The following EFCAB8 variants were observed in gnomAD, a reference collection of about 807,000 sequenced individuals.
EFCAB8 encodes EF-hand calcium binding domain 8.
A neutral mutation model predicts 116.3 loss-of-function variants in EFCAB8; 100 were observed. The ratio of observed to expected loss-of-function variants is 0.86; its 90% CI spans 0.73 to 1.02. EFCAB8 has a LOEUF of 1.02. EFCAB8 is among the 50% of genes least tolerant of loss of function. EFCAB8 has a pLI of 0.00. For missense variants in EFCAB8, 1,320 were observed against 1,416.9 expected, an observed-to-expected ratio of 0.93 and a Z score of 1.10; for synonymous variants, 558 against 567.9, an observed-to-expected ratio of 0.98 and a Z score of 0.25.
intron 20 of EFCAB8, among the ~76,000 whole-genome samples, chr20:32,929,502 G>GTTT (rs11483446): frequency 1.4e-5 from 1 of 70,044 alleles, no homozygotes; most frequent in Admixed American, 1.8e-4. Context: ...CTTCCCTTCT[G>GTTT]TTTTTTTTTT....
chr20:32,916,666 G>C (rs1164281008), intron 17 of EFCAB8, among the ~76,000 whole-genome samples: 1 of 152,098 alleles, frequency 6.6e-6, no homozygotes, highest in Non-Finnish European at 1.5e-5. Flanking sequence ...TTGAGGATTA[G>C]GTTTTAACAT....
rs1304915156 is a variant in EFCAB8 at position 32,961,257 on chromosome 20, A to C, written c.3515A>C (p.His1172Pro). Residue 1172 changes from histidine (H) to proline (P), a missense_variant, in exon 27 of 27, where the codon CAT becomes CCT. Transcript: ENST00000400522. ...QDQHIRLVAH[H>P]VQKDLVPSRE... ...CAGCACATCCGCCTGGTGGCCCACC[A>C]TGTCCAGAAGGACCTGGTGCCCAGC... 6.4e-6 allele frequency: 10 copies of C among 1,551,362 alleles called. No homozygotes were observed. The highest frequency in any genetic ancestry group is 3.3e-4 in the Middle Eastern group (2 of 6,016).
At chr20:32,859,604 T>C (rs950785911) in intron 1 of EFCAB8, among the ~76,000 whole-genome samples, 35 of 152,242 alleles carry the variant, frequency 2.3e-4, no homozygotes, top group Non-Finnish European at 4.1e-4. Flanking sequence ...ATTAAAAATA[T>C]ATAAATAGTT....
chr20:32,939,157 TTCTTTCTTTCTTTC>T (rs1568941577), intron 22 of EFCAB8, among the ~76,000 whole-genome samples: 1 of 88,672 alleles, frequency 1.1e-5, no homozygotes, highest in Non-Finnish European at 2.5e-5. Flanking sequence ...CTTTCTTTCT[TTCTTTCTTTCTTTC>T]TTTCTTTCTT....
rs926275136 is a variant in EFCAB8 at position 32,906,598 on chromosome 20, C to A, written c.1125C>A (p.Cys375Ter). The A allele has an allele frequency of 1.4e-6, 1 of 718,374 alleles. No individual in the cohort carries two copies. Among genetic ancestry groups the A allele is most frequent in the African/African-American group, 1.7e-5 (1 of 57,258 alleles). The allele number at this position is 718,374 out of a possible 1,614,324, so 44.5% of individuals were successfully genotyped here. ...TGCGTTTAAGGAAAGGGATTCTTTG[C>A]TTTGATTACTGCCCAGACAGGAACT... ...SVLRLRKGIL[C>*]FDYCPDRNFL... The change falls in exon 12 of 27, where the codon TGC (cysteine) becomes TGA (stop). Residue 375 changes from cysteine (C) to a stop codon, truncating the protein, a stop_gained. Transcript: ENST00000400522. LOFTEE classifies it high-confidence loss of function.
intron 23 of EFCAB8, among the ~76,000 whole-genome samples, chr20:32,948,570 A>AAGAAAGAAAGAAAGAAAGAAAG (rs1555871351): frequency 5.3e-5 from 8 of 149,784 alleles, no homozygotes; most frequent in African/African-American, 1.8e-4. Flanking sequence ...GAAAGAAAGA[A>AAGAAAGAAAGAAAGAAAGAAAG]AGAAAGAAAG....
rs1327580853 is a variant in EFCAB8 at position 32,930,437 on chromosome 20, G to A, written c.2452G>A (p.Ala818Thr). The A allele has an allele frequency of 3.2e-6, 5 of 1,551,718 alleles. No homozygotes were observed. The Middle Eastern group carries it at 6.7e-4, about 208-fold the overall frequency. Reference protein sequence around the residue: ...LQTRPRLPHTAALLSSCMDGY... With the variant: ...LQTRPRLPHTTALLSSCMDGY... ...GACCAGGCCTCGCCTGCCGCACACG[G>A]CTGCCCTGCTGAGCAGCTGCATGGA... The change falls in exon 21 of 27, where the codon GCT becomes ACT. Residue 818 changes from alanine (A) to threonine (T), a missense_variant. Transcript: ENST00000400522.
intron 5 of EFCAB8, among the ~76,000 whole-genome samples, chr20:32,882,789 G>A (rs1402225044): frequency 2.6e-5 from 4 of 151,946 alleles, no homozygotes; most frequent in African/African-American, 7.3e-5. Context: ...TCTGCCTCCC[G>A]GGTTCATGCC....
In EFCAB8 at chr20:32,910,738, C is replaced by CTTTTTTT. The variant is rs34185318; in HGVS notation, c.1558-726_1558-720dup. Among the ~76,000 whole-genome samples the CTTTTTTT allele has an allele frequency of 1.7e-4, 18 of 107,312 alleles. 3 individuals are homozygous for CTTTTTTT. The highest frequency in any genetic ancestry group is 2.8e-4 in the African/African-American group (7 of 25,038). The allele number at this position is 107,312 out of a possible 152,430, so 70.4% of individuals were successfully genotyped here. ...TGGTCTGAAACCACCTCACTTGCTA[C>CTTTTTTT]TTTTTTTTTTTTTTTTTTTTTTGCC... On this transcript the variant is annotated intron_variant, in intron 15 of 26. Transcript: ENST00000400522.
Position 32,959,902 on chromosome 20 carries a change from C to T in EFCAB8, c.3214C>T (p.Leu1072=), listed in dbSNP as rs760248956. 1 of 1,551,692 alleles carries T rather than the reference C, an allele frequency of 6.4e-7. No homozygotes were observed. The highest frequency in any genetic ancestry group is 1.4e-5 in the African/African-American group (1 of 73,154). ...TTGGGCCAAGCTGCAGAAGATGGCC[C>T]TGATGTCCCCGTGGGCCGGAGAGCG... The part of the protein sequence containing the change: ...DTWAKLQKMA[L]MSPWAGERPL... Residue 1072 remains leucine, a synonymous_variant, in exon 25 of 27, where the codon CTG becomes TTG. Transcript: ENST00000400522.
chr20:32,880,961 C>T (rs1285290707), intron 5 of EFCAB8, among the ~76,000 whole-genome samples: 1 of 152,164 alleles, frequency 6.6e-6, no homozygotes, highest in African/African-American at 2.4e-5. Context: ...GAACACAGCT[C>T]CCTTATAGCA....
At chr20:32,878,378 CAGAGAA>C (rs1985101094) in intron 4 of EFCAB8, among the ~76,000 whole-genome samples, 1 of 152,002 alleles carries the variant, frequency 6.6e-6, no homozygotes, top group African/African-American at 2.4e-5. Context: ...GAGTGACAAA[CAGAGAA>C]AGAGCAGGTC....
chr20:32,924,595 G>A (rs1337948293), intron 20 of EFCAB8, among the ~76,000 whole-genome samples: 1 of 152,186 alleles, frequency 6.6e-6, no homozygotes, highest in African/African-American at 2.4e-5. Flanking sequence ...CCAGAAAATG[G>A]CAGAGCCAGG....
intron 1 of EFCAB8, among the ~76,000 whole-genome samples, chr20:32,862,300 T>C (rs563776689): frequency 2.0e-5 from 3 of 152,120 alleles, no homozygotes; most frequent in South Asian, 2.1e-4. Flanking sequence ...CTGGCTAATT[T>C]TGGATTTTTT....
intron 11 of EFCAB8, among the ~76,000 whole-genome samples, chr20:32,901,241 T>C (rs1463304954): frequency 6.6e-6 from 1 of 152,236 alleles, no homozygotes; most frequent in African/African-American, 2.4e-5. Context: ...TCCAATCTTT[T>C]GGCTTCCCTG....
intron 20 of EFCAB8, among the ~76,000 whole-genome samples, chr20:32,929,483 T>TCCCCTCCCCC (rs1987806912): frequency 1.0e-5 from 1 of 99,332 alleles, no homozygotes. Flanking sequence ...TCCCCTCCCC[T>TCCCCTCCCCC]CCGCTTCTCT....
intron 6 of EFCAB8, 108 bp from the exon 7 acceptor site, chr20:32,889,193 C>A: frequency 1.1e-6 from 1 of 892,800 alleles, no homozygotes; most frequent in Non-Finnish European, 1.8e-6. Flanking sequence ...AGGCTCCATG[C>A]CAGGTCTGTG....
chr20:32,861,740 C>A (rs1367703525), intron 1 of EFCAB8, among the ~76,000 whole-genome samples: 1 of 152,114 alleles, frequency 6.6e-6, no homozygotes, highest in Non-Finnish European at 1.5e-5. Flanking sequence ...CTCAAAAGAT[C>A]GCCATGAACC....
chr20:32,908,610 C>T, intron 14 of EFCAB8, among the ~76,000 whole-genome samples, 198 bp downstream of exon 14: 1 of 152,214 alleles, frequency 6.6e-6, no homozygotes, highest in Non-Finnish European at 1.5e-5. Flanking sequence ...CAGCCTGTCA[C>T]CCTCTCTGCA....
Sources: gnomAD v4.1 joint callset for allele counts (sites outside exome capture counted in the v4.1 genomes callset) on GRCh38, gnomAD v4.1.1 for gene constraint, MANE v1.5 for transcripts, NCBI Gene and HGNC (gene_info 2026-07-23, HGNC 2026-07-21) for gene names.